GABARAPL1: variants seen among roughly 807,000 people sequenced by gnomAD.
The protein encoded by GABARAPL1 is gamma-aminobutyric acid receptor-associated protein-like 1.
In GABARAPL1, 4 loss-of-function variants were observed where a neutral mutation model predicts 14.5. The ratio of observed to expected loss-of-function variants is 0.28; its 90% CI spans 0.14 to 0.63. The LOEUF (loss-of-function observed/expected upper bound fraction) is 0.63. Among genes scored for constraint, GABARAPL1 ranks in the 30% least tolerant of loss-of-function variants. The pLI is 0.84. For synonymous variants in GABARAPL1, 47 were observed against 50.6 expected, an observed-to-expected ratio of 0.93 and a Z score of 0.30; for missense variants, 82 against 139.2, an observed-to-expected ratio of 0.59 and a Z score of 2.07.
chr12:10,214,457 C>G (rs981028820), intron 1 of GABARAPL1: 2 of 152,234 alleles, frequency 1.3e-5, no homozygotes, highest in African/African-American at 4.8e-5. Context: ...GAGCTAATCC[C>G]TTACTCGGGA....
chr12:10,214,612 T>C (rs1396173178), intron 1 of GABARAPL1: 2 of 151,088 alleles, frequency 1.3e-5, no homozygotes, highest in African/African-American at 4.9e-5. Context: ...AGCGGTATTA[T>C]AAGTACTCAG....
intron 1 of GABARAPL1, among the ~76,000 whole-genome samples, chr12:10,215,716 C>T (rs1009586324): frequency 6.6e-6 from 1 of 152,048 alleles, no homozygotes; most frequent in African/African-American, 2.4e-5. Context: ...GTCCGAGTTC[C>T]TTTGGGGCAC....
Position 10,218,046 on chromosome 12 carries a change from T to G in GABARAPL1, c.91-17T>G, listed in dbSNP as rs1949100385. ...CCTTCTGTAGTTTTCATTCCTACTC[T>G]CCTCCTCTTCTTCCAGGTGATTGTA... On this transcript the variant is annotated splice_polypyrimidine_tract_variant and intron_variant, in intron 1 of 3. Transcript: ENST00000266458. 2 of 1,512,064 alleles carry G rather than the reference T, an allele frequency of 1.3e-6. No homozygotes were observed. The highest frequency in any genetic ancestry group is 1.8e-6 in the Non-Finnish European group (2 of 1,087,082). 93.7% of individuals were successfully genotyped at this position (1,512,064 alleles called of 1,614,324 possible).
Position 10,221,962 on chromosome 12 carries a change from G to A in GABARAPL1, c.*110G>A. ...CTCCCACCGCAAGGAGACAGAAGGT[G>A]AAGACATCTAGAAACATTACACCAC... On this transcript the variant is annotated 3_prime_UTR_variant, in exon 4 of 4. Coordinates refer to ENST00000266458, the MANE Select transcript of GABARAPL1 (RefSeq NM_031412.4). 1.1e-6 allele frequency: 1 copy of A among 875,604 alleles called. No individual in the cohort carries two copies. The highest frequency in any genetic ancestry group is 1.9e-6 in the Non-Finnish European group (1 of 530,272). 54.2% of individuals were successfully genotyped at this position (875,604 alleles called of 1,614,324 possible). A position where few individuals can be genotyped will look rare whatever the true frequency, so the allele number is the denominator to read the frequency against.
chr12:10,220,370 G>C, intron 2 of GABARAPL1, 70 bp from the exon 3 acceptor site: 1 of 1,601,012 alleles, frequency 6.2e-7, no homozygotes, highest in East Asian at 2.2e-5. Context: ...TTTTTTTCCA[G>C]GACTTACCCT....
chr12:10,213,867 C>G, intron 1 of GABARAPL1: 1 of 455,986 alleles, frequency 2.2e-6, no homozygotes, highest in South Asian at 1.5e-5. Context: ...CAGCCAGCCT[C>G]CTCGTGTTGA....
intron 2 of GABARAPL1, among the ~76,000 whole-genome samples, chr12:10,219,801 C>T (rs548451869): frequency 4.6e-4 from 67 of 145,956 alleles, no homozygotes; most frequent in African/African-American, 1.7e-3. Flanking sequence ...AACTCTGTCT[C>T]GGAAAAAAAA....
At chr12:10,213,364 C>T (rs1376953070) in intron 1 of GABARAPL1, 145 bp downstream of exon 1, 5 of 706,170 alleles carry the variant, frequency 7.1e-6, no homozygotes, top group South Asian at 1.5e-5. Context: ...CCCTTCAGTG[C>T]CAGAGCCAAT....
Position 10,221,893 on chromosome 12 carries a change from G to T in GABARAPL1, c.*41G>T. The T allele has an allele frequency of 6.3e-7, 1 of 1,591,784 alleles. No individual in the cohort carries two copies. Among genetic ancestry groups the T allele is most frequent in the Non-Finnish European group, 8.6e-7 (1 of 1,160,320 alleles). On this transcript the variant is annotated 3_prime_UTR_variant, in exon 4 of 4. Coordinates refer to ENST00000266458, the MANE Select transcript of GABARAPL1 (RefSeq NM_031412.4). The stretch of plus-strand genomic sequence containing the variant: ...GCAGATGGGAGCACCTGGACTTGGG[G>T]GTAGGGGAGGGGTGTGTGTGCGCGA...
At chr12:10,215,004 CAG>C (rs1949080089) in intron 1 of GABARAPL1, among the ~76,000 whole-genome samples, 1 of 152,224 alleles carries the variant, frequency 6.6e-6, no homozygotes, top group African/African-American at 2.4e-5. Flanking sequence ...GCCTGTCACT[CAG>C]ATTTCAGCTT....
chr12:10,221,581 G>A (rs1011476094), intron 3 of GABARAPL1: 1 of 472,512 alleles, frequency 2.1e-6, no homozygotes, highest in African/African-American at 2.1e-5. Context: ...ATACCTATGT[G>A]TAATATGTTT....
At chr12:10,218,803 G>A (rs1269095862) in intron 2 of GABARAPL1, among the ~76,000 whole-genome samples, 1 of 151,392 alleles carries the variant, frequency 6.6e-6, no homozygotes, top group Non-Finnish European at 1.5e-5. Context: ...CCGTCTCCTG[G>A]ATTCAAGCGA....
chr12:10,221,822 C>G lies in GABARAPL1; in HGVS notation c.324C>G (p.Ala108=). 1 of 1,613,986 alleles carries G rather than the reference C, an allele frequency of 6.2e-7. No individual in the cohort carries two copies. The highest frequency in any genetic ancestry group is 1.1e-5 in the South Asian group (1 of 91,080). The part of the protein sequence containing the change: ...NHEEDYFLYV[A]YSDESVYGK Reference sequence around the variant, plus strand: ...AGGAAGACTATTTTCTGTATGTGGCCTACAGTGATGAGAGTGTCTATGGGA... The same window carrying G: ...AGGAAGACTATTTTCTGTATGTGGCGTACAGTGATGAGAGTGTCTATGGGA... Residue 108 remains alanine, a synonymous_variant, in exon 4 of 4, where the codon GCC becomes GCG. Coordinates refer to ENST00000266458, the MANE Select transcript of GABARAPL1 (RefSeq NM_031412.4).
rs1413799589 is a variant in GABARAPL1, at chr12:10,213,104, G to C, written c.-26G>C. 1 of 1,464,856 alleles carries C rather than the reference G, an allele frequency of 6.8e-7. No individual in the cohort carries two copies. Among genetic ancestry groups the C allele is most frequent in the East Asian group, 2.3e-5 (1 of 43,162 alleles). 90.7% of individuals were successfully genotyped at this position (1,464,856 alleles called of 1,614,324 possible). Reference sequence around the variant, plus strand: ...GGCGAAGGAGGCAGGCCCCGCGCGGGGATCTCGGAAGCCCTGCGGTGCATC... The same window carrying C: ...GGCGAAGGAGGCAGGCCCCGCGCGGCGATCTCGGAAGCCCTGCGGTGCATC... On this transcript the variant is annotated 5_prime_UTR_variant, in exon 1 of 4. Transcript: ENST00000266458.
At position 10,218,102 on chromosome 12, in the gene GABARAPL1, C is replaced by T. The variant is rs1455069204; in HGVS notation, c.130C>T (p.Leu44=). The change falls in exon 2 of 4, where the codon CTG becomes TTG. Residue 44 remains leucine, a synonymous_variant. Transcript: ENST00000266458. ...EKAPKARVPD[L]DKRKYLVPSD... Reference sequence around the variant, plus strand: ...GGCTCCAAAAGCCAGGGTGCCTGATCTGGACAAGAGGAAGTACCTAGTGCC... The same window carrying T: ...GGCTCCAAAAGCCAGGGTGCCTGATTTGGACAAGAGGAAGTACCTAGTGCC... The T allele has an allele frequency of 1.2e-6, 2 of 1,611,302 alleles. No individual in the cohort carries two copies.
At chr12:10,215,023 G>A (rs1409807585) in intron 1 of GABARAPL1, among the ~76,000 whole-genome samples, 2 of 152,112 alleles carry the variant, frequency 1.3e-5, no homozygotes, top group Non-Finnish European at 2.9e-5. Context: ...GCTTTCCTAG[G>A]GTTATGTTTT....
rs920284372 is a variant in GABARAPL1 at position 10,223,017 on chromosome 12, G to C, written c.*1165G>C. 6.6e-6 allele frequency: 1 copy of C among 152,546 alleles called. No homozygotes were observed. Among genetic ancestry groups the C allele is most frequent in the East Asian group, 1.9e-4 (1 of 5,196 alleles). 9.4% of individuals were successfully genotyped at this position (152,546 alleles called of 1,614,324 possible). A position where few individuals can be genotyped will look rare whatever the true frequency, so the allele number is the denominator to read the frequency against. On this transcript the variant is annotated 3_prime_UTR_variant, in exon 4 of 4. Transcript: ENST00000266458. ...TCAATTCATCTCTGCTAATGAAAAG[G>C]GTTCTTTCTCTTGGGGGAAATGTGT...
At position 10,222,036 on chromosome 12, in the gene GABARAPL1, T is replaced by C. The variant is rs1592006864; in HGVS notation, c.*184T>C. ...ATGCTCAATTGATATTTTTTGCTGCTTCCTCGGCCCAGGGAGAAAGCATGT... is the reference window on the plus strand; with the variant it reads ...ATGCTCAATTGATATTTTTTGCTGCCTCCTCGGCCCAGGGAGAAAGCATGT... On this transcript the variant is annotated 3_prime_UTR_variant, in exon 4 of 4. Transcript: ENST00000266458. The C allele has an allele frequency of 6.7e-6, 4 of 596,356 alleles. No individual in the cohort carries two copies. In the East Asian group the frequency reaches 1.2e-4, roughly 18 times the overall value. The allele number at this position is 596,356 out of a possible 1,614,324, so 36.9% of individuals were successfully genotyped here.
intron 2 of GABARAPL1, 52 bp from the exon 3 acceptor site, chr12:10,220,388 A>C: frequency 6.2e-7 from 1 of 1,609,758 alleles, no homozygotes; most frequent in Non-Finnish European, 8.5e-7. Flanking sequence ...CCTTCTACTA[A>C]TTCCTTGTTT....
Sources: allele counts gnomAD v4.1 joint callset (sites outside exome capture counted in the v4.1 genomes callset), GRCh38; gene constraint gnomAD v4.1.1; transcripts MANE v1.5; gene names NCBI Gene and HGNC (gene_info 2026-07-23, HGNC 2026-07-21).